WNK2: variants seen among roughly 807,000 people sequenced by gnomAD.
The protein encoded by WNK2 is serine/threonine-protein kinase WNK2.
Under a neutral mutation model 192.1 loss-of-function variants are expected in WNK2, and 67 were observed. That is an observed-to-expected ratio of 0.35 (90% CI 0.29 to 0.43). The LOEUF (loss-of-function observed/expected upper bound fraction) is 0.43, where lower values mean the gene tolerates loss of function less well. Among genes scored for constraint, WNK2 ranks in the 20% least tolerant of loss-of-function variants. The pLI, the probability that WNK2 is intolerant of heterozygous loss-of-function variation, is 1.00. For missense variants in WNK2, 2,698 were observed against 3,089.7 expected, an observed-to-expected ratio of 0.87 and a Z score of 3.01; for synonymous variants, 1,439 against 1,393.9, an observed-to-expected ratio of 1.03 and a Z score of -0.72.
chr9:93,281,877 CA>C (rs1291199331), intron 19 of WNK2, among the ~76,000 whole-genome samples: 1 of 152,140 alleles, frequency 6.6e-6, no homozygotes, highest in Non-Finnish European at 1.5e-5. Context: ...AAATAAGCCC[CA>C]ACCTCAAATA....
In WNK2 at chr9:93,292,582, G is replaced by A; in HGVS notation, c.5117G>A (p.Ser1706Asn). The A allele has an allele frequency of 6.3e-7, 1 of 1,575,582 alleles. No homozygotes were observed. The highest frequency in any genetic ancestry group is 8.6e-7 in the Non-Finnish European group (1 of 1,158,568). ...GAAAGCTCGGCAGAGCCCCCGCCGA[G>A]TGACATGGGCACAGTGGGGGGCCAG... ...AGESSAEPPP[S>N]DMGTVGGQAS... The change falls in exon 23 of 30, where the codon AGT becomes AAT. Residue 1706 changes from serine to asparagine, a missense_variant. Around this residue, in one of 7 missense-constraint regions of WNK2, gnomAD observed 1,098 missense variants for 1,101.0 expected, o/e 1.00. Transcript: ENST00000427277.
At position 93,299,093 on chromosome 9, in the gene WNK2, G is replaced by C. The variant is rs368517465; in HGVS notation, c.5947G>C (p.Gly1983Arg). The C allele has an allele frequency of 5.0e-6, 8 of 1,610,846 alleles. No individual in the cohort carries two copies. The highest frequency in any genetic ancestry group is 1.7e-5 in the Admixed American group (1 of 59,968). The change falls in exon 25 of 30, where the codon GGC becomes CGC. Residue 1983 changes from glycine (G) to arginine (R), a missense_variant. Transcript: ENST00000427277. The part of the protein sequence containing the change: ...STGHLADSSR[G>R]PPAKDPAQAS... ...AGGTCACTTGGCTGACTCCAGCAGA[G>C]GCCCTCCCGCTAAGGACCCTGCCCA...
chr9:93,312,838 AATGTTTT>A (rs1325809404), intron 28 of WNK2, among the ~76,000 whole-genome samples: 1 of 152,064 alleles, frequency 6.6e-6, no homozygotes, highest in Non-Finnish European at 1.5e-5. Flanking sequence ...TGACTCCCGT[AATGTTTT>A]ACTCATCCAC....
intron 2 of WNK2, among the ~76,000 whole-genome samples, chr9:93,199,899 CAA>C (rs59582411): frequency 2.8e-5 from 3 of 107,720 alleles, no homozygotes; most frequent in Admixed American, 1.1e-4. Context: ...CTCTTTGTCT[CAA>C]AAAAAAAAAA....
chr9:93,297,150 C>T (rs1445836893), intron 23 of WNK2, among the ~76,000 whole-genome samples: 2 of 148,568 alleles, frequency 1.3e-5, no homozygotes, highest in Non-Finnish European at 3.0e-5. Context: ...GCGTCATCCC[C>T]TCCCCATCCT....
rs1045588032 is a variant in WNK2 at position 93,253,012 on chromosome 9, C to G, written c.1964C>G (p.Pro655Arg). The G allele has an allele frequency of 6.4e-7, 1 of 1,556,396 alleles. No homozygotes were observed. The highest frequency in any genetic ancestry group is 8.7e-7 in the Non-Finnish European group (1 of 1,152,286). The change falls in exon 9 of 30, where the codon CCT (proline) becomes CGT (arginine). Residue 655 changes from proline (P) to arginine (R), a missense_variant. Pro to Arg is a moderately radical substitution (Grantham distance 103). Around this residue, in one of 7 missense-constraint regions of WNK2, gnomAD observed 893 missense variants for 909.0 expected, o/e 0.98. Coordinates refer to ENST00000427277, the MANE Select transcript of WNK2 (RefSeq NM_006648.4). ...CCGGCCCAGTGTGTGTGCAGCCCCCCTGTGAGCGAGGGGCCCGTCCTGCCG... is the reference window on the plus strand; with the variant it reads ...CCGGCCCAGTGTGTGTGCAGCCCCCGTGTGAGCGAGGGGCCCGTCCTGCCG... ...PSPAQCVCSP[P>R]VSEGPVLPQS...
At chr9:93,234,028 C>T (rs1385503653) in intron 4 of WNK2, among the ~76,000 whole-genome samples, 4 of 152,204 alleles carry the variant, frequency 2.6e-5, no homozygotes, top group African/African-American at 4.8e-5. Flanking sequence ...AATCAGCCCT[C>T]GCCCCCTGCA....
rs1848983986 is a variant in WNK2, at chr9:93,289,539, A to C, written c.4785A>C (p.Ser1595=). ...LEPLRGDQPR[S]EVCGGDLALP... ...CCCTGAGAGGGGACCAGCCCCGCTC[A>C]GAGGTCTGCGGGGGGGACCTGGCCC... The change falls in exon 20 of 30, where the codon TCA becomes TCC. Residue 1595 remains serine (S), a synonymous_variant. Transcript: ENST00000427277. The C allele has an allele frequency of 1.3e-6, 2 of 1,583,126 alleles. No homozygotes were observed. The highest frequency in any genetic ancestry group is 3.4e-5 in the Admixed American group (2 of 58,238).
intron 2 of WNK2, among the ~76,000 whole-genome samples, chr9:93,189,222 T>G (rs1338572771): frequency 1.3e-5 from 2 of 152,138 alleles, no homozygotes; most frequent in Non-Finnish European, 2.9e-5. Flanking sequence ...CTCCCTACTT[T>G]AGGGGACACA....
intron 28 of WNK2, chr9:93,315,496 G>A (rs574837523): frequency 6.6e-6 from 1 of 152,086 alleles, no homozygotes; most frequent in Non-Finnish European, 1.5e-5. Flanking sequence ...ATTTTCTTTG[G>A]GGACATGGAC....
In WNK2 at chr9:93,247,907, GA is replaced by G. The variant is rs1309039880; in HGVS notation, c.1834+78del. 7.3e-5 allele frequency: 106 copies of G among 1,448,484 alleles called. No individual in the cohort carries two copies. Among genetic ancestry groups the G allele is most frequent in the Non-Finnish European group, 8.9e-5 (97 of 1,087,590 alleles). 89.7% of individuals were successfully genotyped at this position (1,448,484 alleles called of 1,614,324 possible). On this transcript the variant is annotated intron_variant, in intron 8 of 29. Coordinates refer to ENST00000427277, the MANE Select transcript of WNK2 (RefSeq NM_006648.4). The surrounding 1 kb of genome is among the most constrained non-coding windows in gnomAD (Gnocchi z 5.2). ...CTGCAAAAACCAGCTATTGGGCAAA[GA>G]AAAATGAAGTCCTCTCCCTTTATTG... is the stretch of plus-strand genomic sequence containing the variant.
intron 28 of WNK2, among the ~76,000 whole-genome samples, chr9:93,310,626 C>T (rs920315210): frequency 6.6e-6 from 1 of 152,224 alleles, no homozygotes; most frequent in African/African-American, 2.4e-5. Context: ...AGCCCCCTCT[C>T]TGGCACCTCT....
chr9:93,245,394 A>C (rs968998224), intron 7 of WNK2, among the ~76,000 whole-genome samples: 2 of 152,086 alleles, frequency 1.3e-5, no homozygotes, highest in Non-Finnish European at 2.9e-5. Context: ...TCCTCGCCTG[A>C]CTTCCATGTC....
intron 2 of WNK2, among the ~76,000 whole-genome samples, chr9:93,212,190 G>A (rs1834916066): frequency 6.6e-6 from 1 of 152,236 alleles, no homozygotes; most frequent in South Asian, 2.1e-4. Flanking sequence ...GGTGCCCCCA[G>A]ACCCTGCAGG....
At chr9:93,190,628 A>G (rs1435689941) in intron 2 of WNK2, among the ~76,000 whole-genome samples, 3 of 152,254 alleles carry the variant, frequency 2.0e-5, no homozygotes, top group Non-Finnish European at 4.4e-5. Context: ...GCAGCTGGAC[A>G]TGCCCTCCCG....
At position 93,290,054 on chromosome 9, in the gene WNK2, G is replaced by T; in HGVS notation, c.4936+7G>T. The stretch of plus-strand genomic sequence containing the variant: ...ACGTCCTCGTCAATGACAGGTAACA[G>T]CTTCCTGCTGAACCCTGCGTTCACA... On this transcript the variant is annotated splice_region_variant and intron_variant, in intron 21 of 29. Coordinates refer to ENST00000427277, the MANE Select transcript of WNK2 (RefSeq NM_006648.4). 1 of 1,561,132 alleles carries T rather than the reference G, an allele frequency of 6.4e-7. No homozygotes were observed. The highest frequency in any genetic ancestry group is 1.2e-5 in the South Asian group (1 of 84,774).
intron 16 of WNK2, among the ~76,000 whole-genome samples, 197 bp from the exon 17 acceptor site, chr9:93,267,549 G>T (rs1344447955): frequency 6.6e-6 from 1 of 152,232 alleles, no homozygotes; most frequent in African/African-American, 2.4e-5. Flanking sequence ...TGCTTCTCAA[G>T]ATGAGGCTGC....
rs1379534811 is a variant in WNK2 at position 93,230,005 on chromosome 9, A to G, written c.854+137A>G. The G allele has an allele frequency of 3.7e-6, 4 of 1,079,968 alleles. No individual in the cohort carries two copies. In the Admixed American group the frequency reaches 1.1e-4, roughly 29 times the overall value. 66.9% of individuals were successfully genotyped at this position (1,079,968 alleles called of 1,614,324 possible). A position where few individuals can be genotyped will look rare whatever the true frequency, so the allele number is the denominator to read the frequency against. The stretch of plus-strand genomic sequence containing the variant: ...GGCTGTCTCCTCTTTCCTCTCCTGC[A>G]TGGGATGCCAGGAGGTGGTTTACTT... On this transcript the variant is annotated intron_variant, in intron 3 of 29. Coordinates refer to ENST00000427277, the MANE Select transcript of WNK2 (RefSeq NM_006648.4).
intron 2 of WNK2, among the ~76,000 whole-genome samples, chr9:93,193,098 C>T (rs1259013080): frequency 2.6e-5 from 4 of 152,144 alleles, no homozygotes; most frequent in Non-Finnish European, 4.4e-5. Flanking sequence ...GCTGTGCAGC[C>T]GTGATGGGGC....
Sources: gnomAD v4.1 joint callset for allele counts (sites outside exome capture counted in the v4.1 genomes callset) on GRCh38, gnomAD v4.1.1 for gene constraint, gnomAD v4.1.1 regional missense constraint, Gnocchi (gnomAD v3.1) non-coding constraint, MANE v1.5 for transcripts, NCBI Gene and HGNC (gene_info 2026-07-23, HGNC 2026-07-21) for gene names.